The following PTPRM variants were observed in gnomAD, a reference collection of about 807,000 sequenced individuals.
The protein encoded by PTPRM is receptor-type tyrosine-protein phosphatase mu.
PTPRM carries 47 observed loss-of-function variants against 186.7 expected under a neutral mutation model. That is an observed-to-expected ratio of 0.25 (90% CI 0.20 to 0.32). The LOEUF (loss-of-function observed/expected upper bound fraction) is 0.32. Ranked by LOEUF, PTPRM falls within the 10% of genes least tolerant of loss-of-function variation. PTPRM has a pLI of 1.00. For missense variants in PTPRM, 1,494 were observed against 1,865.0 expected, an observed-to-expected ratio of 0.80 and a Z score of 3.66; for synonymous variants, 668 against 674.9, an observed-to-expected ratio of 0.99 and a Z score of 0.16.
At chr18:8,359,506 G>T (rs1430870286) in intron 23 of PTPRM, among the ~76,000 whole-genome samples, 1 of 152,250 alleles carries the variant, frequency 6.6e-6, no homozygotes, top group African/African-American at 2.4e-5. Context: ...TGGACTTCTT[G>T]TCTCTTTGCC....
intron 1 of PTPRM, among the ~76,000 whole-genome samples, chr18:7,695,302 G>C (rs1194039595): frequency 1.3e-5 from 2 of 150,716 alleles, no homozygotes; most frequent in Non-Finnish European, 3.0e-5. Flanking sequence ...ATAATACTTT[G>C]CTCCTTTTGG....
At chr18:7,988,971 G>C (rs1459355281) in intron 7 of PTPRM, among the ~76,000 whole-genome samples, 3 of 152,124 alleles carry the variant, frequency 2.0e-5, no homozygotes, top group African/African-American at 7.2e-5. Context: ...ACATAAGAAT[G>C]GGGAAAATCA....
intron 7 of PTPRM, among the ~76,000 whole-genome samples, chr18:8,024,442 T>C (rs2085434471): frequency 6.6e-6 from 1 of 152,154 alleles, no homozygotes; most frequent in Non-Finnish European, 1.5e-5. Context: ...AGTGGCAGTT[T>C]CATGGCTTGT....
chr18:7,892,212 G>A (rs2049117348), intron 3 of PTPRM, among the ~76,000 whole-genome samples: 1 of 152,168 alleles, frequency 6.6e-6, no homozygotes, highest in Non-Finnish European at 1.5e-5. Flanking sequence ...TCTAGAATGG[G>A]CTTTCTTGAG....
At chr18:7,918,918 GC>G (rs1224658305) in intron 4 of PTPRM, among the ~76,000 whole-genome samples, 3 of 152,148 alleles carry the variant, frequency 2.0e-5, no homozygotes, top group Non-Finnish European at 4.4e-5. Context: ...TAGTTTCATA[GC>G]TTCAGGTCCT....
At chr18:7,972,477 A>AT (rs761202011) in intron 7 of PTPRM, among the ~76,000 whole-genome samples, 4 of 12,926 alleles carry the variant, frequency 3.1e-4, no homozygotes, top group Non-Finnish European at 8.9e-4. Flanking sequence ...AAAAAAAAAC[A>AT]TTAAAAAAAA....
chr18:7,739,023 T>C, intron 1 of PTPRM, among the ~76,000 whole-genome samples: 1 of 152,204 alleles, frequency 6.6e-6, no homozygotes, highest in South Asian at 2.1e-4. Context: ...GTCTAGCCAC[T>C]GAGCTGGTCA....
chr18:7,680,748 T>G (rs966841916), intron 1 of PTPRM, among the ~76,000 whole-genome samples: 4 of 152,234 alleles, frequency 2.6e-5, no homozygotes, highest in African/African-American at 9.6e-5. Context: ...GGCTTCCTGG[T>G]GAAAGTACTT....
rs1487027428 is a variant in PTPRM at position 8,376,177 on chromosome 18, A to C, written c.3303A>C (p.Ala1101=). Residue 1101 remains alanine, a synonymous_variant, in exon 25 of 33, where the codon GCA becomes GCC. Coordinates refer to ENST00000580170, the MANE Select transcript of PTPRM (RefSeq NM_001105244.2). ...RQVKSKSPPS[A]GPLVVHCSAG... ...TCAAGTCCAAGAGCCCGCCCAGTGCAGGCCCACTGGTGGTGCACTGCAGGT... is the reference window on the plus strand; with the variant it reads ...TCAAGTCCAAGAGCCCGCCCAGTGCCGGCCCACTGGTGGTGCACTGCAGGT... 6.2e-7 allele frequency: 1 copy of C among 1,612,890 alleles called. No individual in the cohort carries two copies. Among genetic ancestry groups the C allele is most frequent in the Non-Finnish European group, 8.5e-7 (1 of 1,179,702 alleles).
intron 22 of PTPRM, among the ~76,000 whole-genome samples, chr18:8,328,276 G>A (rs2095390687): frequency 3.3e-5 from 5 of 152,228 alleles, no homozygotes; most frequent in Admixed American, 6.5e-5. Flanking sequence ...TTCTCAGAGC[G>A]TCAGTGTAAC....
At chr18:8,229,960 C>A (rs1386252612) in intron 14 of PTPRM, among the ~76,000 whole-genome samples, 1 of 152,198 alleles carries the variant, frequency 6.6e-6, no homozygotes, top group Non-Finnish European at 1.5e-5. Context: ...AGTGACTCAT[C>A]GTGTGGTGTT....
intron 7 of PTPRM, among the ~76,000 whole-genome samples, chr18:7,996,532 A>G (rs536030428): frequency 1.2e-4 from 19 of 152,250 alleles, no homozygotes; most frequent in African/African-American, 4.3e-4. Context: ...AATGGAAGTC[A>G]TGGCCAGAGA....
At chr18:7,723,822 CTGTGT>C in intron 1 of PTPRM, among the ~76,000 whole-genome samples, 1 of 152,186 alleles carries the variant, frequency 6.6e-6, no homozygotes, top group East Asian at 1.9e-4. Flanking sequence ...CCTTTTCCTC[CTGTGT>C]TACCTCCTCG....
At chr18:7,620,037 A>G (rs1320824132) in intron 1 of PTPRM, among the ~76,000 whole-genome samples, 1 of 152,162 alleles carries the variant, frequency 6.6e-6, no homozygotes, top group Non-Finnish European at 1.5e-5. Context: ...TTACTGCAGC[A>G]TGACTTAGCC....
intron 2 of PTPRM, among the ~76,000 whole-genome samples, chr18:7,777,344 A>AT (rs2042637407): frequency 6.6e-6 from 1 of 152,128 alleles, no homozygotes; most frequent in Admixed American, 6.5e-5. Flanking sequence ...TTAAAAAAAA[A>AT]GCAAAAAGAA....
intron 19 of PTPRM, among the ~76,000 whole-genome samples, chr18:8,268,507 G>A (rs1263190250): frequency 6.6e-6 from 1 of 152,010 alleles, no homozygotes; most frequent in Non-Finnish European, 1.5e-5. Context: ...ATTTAAAGAA[G>A]AATTAAGGCT....
chr18:8,289,551 C>CACACATATATATATACGT (rs1318286908), intron 19 of PTPRM, among the ~76,000 whole-genome samples: 1 of 77,718 alleles, frequency 1.3e-5, no homozygotes, highest in Non-Finnish European at 2.3e-5. Context: ...TATATATATA[C>CACACATATATATATACGT]ATATATATAC....
At chr18:7,874,268 A>T (rs113425153) in intron 2 of PTPRM, among the ~76,000 whole-genome samples, 5,119 of 152,184 alleles carry the variant, frequency 0.034, 295 homozygotes, top group African/African-American at 0.12. Flanking sequence ...TTTGAAATCT[A>T]TTTTTTGACA....
chr18:8,240,939 C>G (rs1048162594), intron 14 of PTPRM, among the ~76,000 whole-genome samples: 6 of 152,058 alleles, frequency 3.9e-5, no homozygotes, highest in African/African-American at 1.4e-4. Flanking sequence ...ACTTTCTGTC[C>G]CTGTGTCAAC....
Sources: gnomAD v4.1 joint callset for allele counts (sites outside exome capture counted in the v4.1 genomes callset) on GRCh38, gnomAD v4.1.1 for gene constraint, MANE v1.5 for transcripts, NCBI Gene and HGNC (gene_info 2026-07-23, HGNC 2026-07-21) for gene names.